Variants in FGL1 observed in about 807,000 individuals in gnomAD.
FGL1 encodes fibrinogen like 1.
In FGL1, 59 loss-of-function variants were observed where a neutral mutation model predicts 43.7. That is an observed-to-expected ratio of 1.35 (90% CI 1.10 to 1.68). FGL1 has a LOEUF of 1.68. Among genes scored for constraint, FGL1 ranks in the 40% most tolerant of loss-of-function variants. FGL1 has a pLI of 0.00. For synonymous variants in FGL1, 192 were observed against 126.5 expected (o/e 1.52, Z -3.48); for missense variants, 596 against 373.0 (o/e 1.60, Z -4.92).
intron 3 of FGL1, among the ~76,000 whole-genome samples, chr8:17,881,136 G>T (rs34789046): frequency 0.072 from 7,238 of 100,436 alleles, 633 homozygotes; most frequent in African/African-American, 0.24. Flanking sequence ...ATGTGTACAC[G>T]GATTTTTTTT....
At position 17,868,757 on chromosome 8, in the gene FGL1, G is replaced by A. The variant is rs779519858; in HGVS notation, c.592-22C>T. 5 of 1,595,836 alleles carry A rather than the reference G, an allele frequency of 3.1e-6. No individual in the cohort carries two copies. The Admixed American group carries it at 8.7e-5, about 28-fold the overall frequency. On this transcript the variant is annotated intron_variant, in intron 6 of 7. Transcript: ENST00000427924. ...AATTCTAAAGAAAAAGGGCATTTCT[G>A]CTGTCAGTGGAGTTCCTCTATGACC...
Position 17,882,101 on chromosome 8 carries a change from G to A in FGL1, c.142C>T (p.Gln48Ter), listed in dbSNP as rs1258777563. 1 of 1,614,030 alleles carries A rather than the reference G, an allele frequency of 6.2e-7. No individual in the cohort carries two copies. Among genetic ancestry groups the A allele is most frequent in the Non-Finnish European group, 8.5e-7 (1 of 1,179,994 alleles). ...TGCAAAAGCTGCTTGATCTTGACCT[G>A]TTGCTGTTTGACCCGGGTCTCAAGC... is the stretch of plus-strand genomic sequence containing the variant. ...RLLETRVKQQ[Q>*]VKIKQLLQEN... The change falls in exon 3 of 8, where the codon CAG becomes TAG. Residue 48 changes from glutamine (Q) to a stop codon, truncating the protein, a stop_gained. Transcript: ENST00000427924. LOFTEE classifies it high-confidence loss of function.
Position 17,880,689 on chromosome 8 carries a change from A to G in FGL1, c.244+1310T>C, listed in dbSNP as rs192010687. Among the ~76,000 whole-genome samples, 7 of 152,304 alleles carry G rather than the reference A, an allele frequency of 4.6e-5. No homozygotes were observed. The East Asian group carries it at 9.7e-4, about 21-fold the overall frequency. On this transcript the variant is annotated intron_variant, in intron 3 of 7. Coordinates refer to ENST00000427924, the MANE Select transcript of FGL1 (RefSeq NM_004467.4). ...AATAGACTCATAAACAGAAATTACA[A>G]TGTAGCATGGTAGTGCTAGAATAGA... is the stretch of plus-strand genomic sequence containing the variant.
chr8:17,865,926 C>T (rs774856379), intron 7 of FGL1, among the ~76,000 whole-genome samples: 2 of 152,080 alleles, frequency 1.3e-5, no homozygotes, highest in Non-Finnish European at 2.9e-5. Context: ...TCGAAGTCCT[C>T]CTAACTTAAA....
At chr8:17,883,587 G>A (rs1471191790) in intron 2 of FGL1, among the ~76,000 whole-genome samples, 54 of 114,952 alleles carry the variant, frequency 4.7e-4, no homozygotes, top group South Asian at 1.7e-3. Context: ...CATAATATAC[G>A]TATATATAAA....
chr8:17,868,741 G>A lies in FGL1; in HGVS notation c.592-6C>T, dbSNP rs1291915355. On this transcript the variant is annotated splice_polypyrimidine_tract_variant and splice_region_variant and intron_variant, in intron 6 of 7. Transcript: ENST00000427924. ...ATATTCAACTCGTAGAAATTCTAAA[G>A]AAAAAGGGCATTTCTGCTGTCAGTG... The A allele has an allele frequency of 1.9e-6, 3 of 1,602,808 alleles. No individual in the cohort carries two copies. Among genetic ancestry groups the A allele is most frequent in the Admixed American group, 1.7e-5 (1 of 57,312 alleles).
At position 17,873,558 on chromosome 8, in the gene FGL1, T is replaced by C. The variant is rs531242317; in HGVS notation, c.502+461A>G. Among the ~76,000 whole-genome samples the C allele has an allele frequency of 7.3e-4, 111 of 152,204 alleles. 1 individual carries two copies. Among genetic ancestry groups the C allele is most frequent in the African/African-American group, 2.6e-3 (110 of 41,532 alleles). ...TTTGGAAGAGGATTGTTACACGTTA[T>C]TATTGTGACATTAGGTAACTGATAC... On this transcript the variant is annotated intron_variant, in intron 5 of 7. Coordinates refer to ENST00000427924, the MANE Select transcript of FGL1 (RefSeq NM_004467.4).
intron 5 of FGL1, among the ~76,000 whole-genome samples, chr8:17,870,355 A>C (rs1252312866): frequency 6.6e-6 from 1 of 152,112 alleles, no homozygotes; most frequent in African/African-American, 2.4e-5. Flanking sequence ...CTTTTTCAGA[A>C]ACAGAACTCT....
intron 3 of FGL1, among the ~76,000 whole-genome samples, chr8:17,881,154 T>TTTTTTTTTTTTTTA (rs2053529511): frequency 7.8e-6 from 1 of 128,802 alleles, no homozygotes; most frequent in African/African-American, 2.8e-5. Context: ...TTTTTTTTTT[T>TTTTTTTTTTTTTTA]GAGACAGAGT....
In FGL1 at chr8:17,864,650, G is replaced by C. The variant is rs750060737; in HGVS notation, c.881C>G (p.Ser294Cys). Residue 294 changes from serine to cysteine, a missense_variant, in exon 8 of 8, where the codon TCT (serine) becomes TGT (cysteine). By Grantham distance (112) the Ser-to-Cys change is moderately radical. Coordinates refer to ENST00000427924, the MANE Select transcript of FGL1 (RefSeq NM_004467.4). Reference sequence around the variant, plus strand: ...AATTTTCATAACCACAGATTTCAGAGAATACCACCACCCATGCCAGGTGTA... The same window carrying C: ...AATTTTCATAACCACAGATTTCAGACAATACCACCACCCATGCCAGGTGTA... The part of the protein sequence containing the change: ...VWYTWHGWWY[S>C]LKSVVMKIRP... 1.2e-6 allele frequency: 2 copies of C among 1,613,356 alleles called. No individual in the cohort carries two copies. Among genetic ancestry groups the C allele is most frequent in the Non-Finnish European group, 1.7e-6 (2 of 1,179,826 alleles).
In FGL1 at chr8:17,864,399, G is replaced by A. The variant is rs1466351538; in HGVS notation, c.*193C>T. 1 of 546,124 alleles carries A rather than the reference G, an allele frequency of 1.8e-6. No individual in the cohort carries two copies. The highest frequency in any genetic ancestry group is 1.9e-5 in the African/African-American group (1 of 52,498). 33.8% of individuals were successfully genotyped at this position (546,124 alleles called of 1,614,324 possible). ...CAGGGATTCAATAAATATTAACACA[G>A]TCTACATTTATTTGGTGAATATTGC... On this transcript the variant is annotated 3_prime_UTR_variant, in exon 8 of 8. Coordinates refer to ENST00000427924, the MANE Select transcript of FGL1 (RefSeq NM_004467.4).
intron 1 of FGL1, among the ~76,000 whole-genome samples, chr8:17,890,756 A>G (rs1020348448): frequency 2.0e-5 from 3 of 152,172 alleles, no homozygotes; most frequent in African/African-American, 4.8e-5. Flanking sequence ...TGGAAGGGGA[A>G]GCAAACATGT....
intron 1 of FGL1, among the ~76,000 whole-genome samples, chr8:17,890,761 A>C (rs1211895215): frequency 6.6e-6 from 1 of 152,122 alleles, no homozygotes; most frequent in Non-Finnish European, 1.5e-5. Flanking sequence ...GGGGAAGCAA[A>C]CATGTCCTTC....
chr8:17,870,162 T>A (rs924573958), intron 5 of FGL1, among the ~76,000 whole-genome samples: 5 of 152,096 alleles, frequency 3.3e-5, no homozygotes, highest in Non-Finnish European at 7.4e-5. Flanking sequence ...GTACATATTA[T>A]CTTTTATATA....
chr8:17,874,084 T>C lies in FGL1; in HGVS notation c.437A>G (p.Asn146Ser). ...GWKDYENGFG[N>S]FVQKHGEYWL... ...ATATTCACCATGTTTTTGGACAAAA[T>C]TTCCAAAGCCATTTTCATAGTCTTT... Residue 146 changes from asparagine (N) to serine (S), a missense_variant, in exon 5 of 8, where the codon AAT becomes AGT. Asn to Ser is a conservative substitution (Grantham distance 46, BLOSUM62 1). Coordinates refer to ENST00000427924, the MANE Select transcript of FGL1 (RefSeq NM_004467.4). 6.2e-7 allele frequency: 1 copy of C among 1,611,402 alleles called. No individual in the cohort carries two copies. Among genetic ancestry groups the C allele is most frequent in the South Asian group, 1.1e-5 (1 of 90,330 alleles).
intron 1 of FGL1, among the ~76,000 whole-genome samples, chr8:17,887,196 T>C (rs1006179983): frequency 5.9e-5 from 9 of 152,026 alleles, no homozygotes; most frequent in African/African-American, 1.2e-4. Flanking sequence ...CCAAAGAACA[T>C]AGGATTCCTC....
rs975724453 is a variant in FGL1 at position 17,874,525 on chromosome 8, T to G, written c.245-4A>C. The stretch of plus-strand genomic sequence containing the variant: ...TCATTGAAAATCTCTGAACAATCTG[T>G]TTTTAAAACAAGGTAATGTAACATT... On this transcript the variant is annotated splice_region_variant and splice_polypyrimidine_tract_variant and intron_variant, in intron 3 of 7. Transcript: ENST00000427924. 1 of 1,601,636 alleles carries G rather than the reference T, an allele frequency of 6.2e-7. No homozygotes were observed. Among genetic ancestry groups the G allele is most frequent in the African/African-American group, 1.3e-5 (1 of 74,400 alleles).
chr8:17,865,635 T>A (rs2053259706), intron 7 of FGL1, among the ~76,000 whole-genome samples: 1 of 152,220 alleles, frequency 6.6e-6, no homozygotes, highest in Non-Finnish European at 1.5e-5. Context: ...TCCTTTGGAG[T>A]CTGTAAATTT....
chr8:17,891,911 G>A (rs1001142105), intron 1 of FGL1: 1 of 389,748 alleles, frequency 2.6e-6, no homozygotes, highest in African/African-American at 2.2e-5. Context: ...GCTTATTTTG[G>A]TTTTAAAAGA....
Sources: gnomAD v4.1 joint callset for allele counts (sites outside exome capture counted in the v4.1 genomes callset) on GRCh38, gnomAD v4.1.1 for gene constraint, MANE v1.5 for transcripts, NCBI Gene and HGNC (gene_info 2026-07-23, HGNC 2026-07-21) for gene names.